Variants in SYCP1 observed in about 807,000 individuals in gnomAD.
SYCP1 encodes synaptonemal complex protein 1.
Under a neutral mutation model 153.1 loss-of-function variants are expected in SYCP1, and 64 were observed. The observed-to-expected ratio is 0.42, with a 90% confidence interval of 0.34 to 0.51. The LOEUF is 0.51. Among genes scored for constraint, SYCP1 ranks in the 20% least tolerant of loss-of-function variants. SYCP1 has a pLI of 0.06. For synonymous variants in SYCP1, 384 were observed against 341.8 expected (o/e 1.12, Z -1.36); for missense variants, 997 against 1,049.0 (o/e 0.95, Z 0.68).
chr1:114,961,550 G>A (rs1190339808), intron 27 of SYCP1, among the ~76,000 whole-genome samples: 1 of 152,092 alleles, frequency 6.6e-6, no homozygotes, highest in Non-Finnish European at 1.5e-5. Context: ...CACTATTATC[G>A]TTTAGTTGAA....
chr1:114,991,925 A>G (rs1399788013), intron 30 of SYCP1, among the ~76,000 whole-genome samples: 1 of 151,884 alleles, frequency 6.6e-6, no homozygotes, highest in East Asian at 1.9e-4. Flanking sequence ...TAAGAAAGCT[A>G]TTAGAGCTAA....
In SYCP1 at chr1:114,913,053, C is replaced by G; in HGVS notation, c.1550C>G (p.Thr517Ser). The G allele has an allele frequency of 6.2e-7, 1 of 1,610,254 alleles. No homozygotes were observed. The highest frequency in any genetic ancestry group is 1.1e-5 in the South Asian group (1 of 90,566). Residue 517 changes from threonine to serine, a missense_variant, in exon 19 of 32, where the codon ACT becomes AGT. Physicochemically the swap from Thr to Ser is moderately conservative, Grantham distance 58. Transcript: ENST00000369522. The stretch of plus-strand genomic sequence containing the variant: ...AATAGGCTTAAGAATACTGAATTAA[C>G]TTCACACTGCAACAAGCTTTCACTA... ...ENEKLKNTELTSHCNKLSLEN... is the reference protein window; with the variant it reads ...ENEKLKNTELSSHCNKLSLEN...
chr1:114,951,095 A>T (rs1017977595), intron 27 of SYCP1, among the ~76,000 whole-genome samples: 2 of 152,192 alleles, frequency 1.3e-5, no homozygotes, highest in African/African-American at 4.8e-5. Context: ...AAGTGCTGGG[A>T]TTACAGGCGT....
intron 28 of SYCP1, among the ~76,000 whole-genome samples, chr1:114,981,048 T>C (rs1450614777): frequency 6.6e-6 from 1 of 151,928 alleles, no homozygotes; most frequent in Non-Finnish European, 1.5e-5. Flanking sequence ...GGCTTTCTGT[T>C]CCTGCATTAG....
chr1:114,875,345 C>G (rs360632), intron 9 of SYCP1, among the ~76,000 whole-genome samples: 55,081 of 149,142 alleles, frequency 0.37, 10,868 homozygotes, highest in East Asian at 0.5. Flanking sequence ...ACTGCAAGCT[C>G]CGCCTCTCGG....
chr1:114,961,160 T>G (rs960792307), intron 27 of SYCP1, among the ~76,000 whole-genome samples: 1 of 152,144 alleles, frequency 6.6e-6, no homozygotes, highest in Non-Finnish European at 1.5e-5. Context: ...ATAGTAGCCT[T>G]GATCTTTTTT....
chr1:114,903,423 A>G (rs1368438970), intron 16 of SYCP1, among the ~76,000 whole-genome samples: 1 of 152,108 alleles, frequency 6.6e-6, no homozygotes. Flanking sequence ...GGCTTTTTTG[A>G]AGAAGTAAGG....
chr1:114,919,276 C>T (rs1050041354), intron 20 of SYCP1, among the ~76,000 whole-genome samples: 1 of 151,890 alleles, frequency 6.6e-6, no homozygotes, highest in Non-Finnish European at 1.5e-5. Flanking sequence ...TGGTTTTTGT[C>T]CTATAGCATG....
intron 8 of SYCP1, among the ~76,000 whole-genome samples, chr1:114,873,545 G>C (rs1457936868): frequency 1.3e-5 from 2 of 152,150 alleles, no homozygotes; most frequent in African/African-American, 2.4e-5. Flanking sequence ...CCCCAGGTTA[G>C]TTAGGCTCTG....
At chr1:114,880,412 T>A (rs1665842265) in intron 12 of SYCP1, among the ~76,000 whole-genome samples, 1 of 152,238 alleles carries the variant, frequency 6.6e-6, no homozygotes, top group Non-Finnish European at 1.5e-5. Flanking sequence ...CTGTAATTTT[T>A]AAAATTAAAT....
intron 20 of SYCP1, among the ~76,000 whole-genome samples, chr1:114,917,271 G>A (rs1181387782): frequency 1.3e-5 from 2 of 152,090 alleles, no homozygotes; most frequent in Non-Finnish European, 2.9e-5. Flanking sequence ...TCTTATTGCA[G>A]TTAACTTAAT....
chr1:114,932,484 A>C (rs1031377251), intron 23 of SYCP1, among the ~76,000 whole-genome samples: 1 of 152,236 alleles, frequency 6.6e-6, no homozygotes, highest in African/African-American at 2.4e-5. Flanking sequence ...AGCTCCCAGC[A>C]TGAGTGACGC....
At chr1:114,924,825 G>T (rs745922064) in intron 21 of SYCP1, among the ~76,000 whole-genome samples, 4 of 152,020 alleles carry the variant, frequency 2.6e-5, no homozygotes, top group Non-Finnish European at 4.4e-5. Flanking sequence ...GGCCACCTAA[G>T]CTACATTTAA....
chr1:114,938,778 A>G (rs965878211), intron 23 of SYCP1, among the ~76,000 whole-genome samples: 1 of 152,198 alleles, frequency 6.6e-6, no homozygotes, highest in Non-Finnish European at 1.5e-5. Context: ...ATTTCTCCAA[A>G]TATACACAAA....
At chr1:114,957,159 G>A (rs1671495755) in intron 27 of SYCP1, among the ~76,000 whole-genome samples, 1 of 152,032 alleles carries the variant, frequency 6.6e-6, no homozygotes, top group African/African-American at 2.4e-5. Flanking sequence ...CCAACTCCTG[G>A]GTTCAAGAGA....
At chr1:114,960,101 T>TACCTAGC (rs755882169) in intron 27 of SYCP1, among the ~76,000 whole-genome samples, 15 of 152,006 alleles carry the variant, frequency 9.9e-5, no homozygotes, top group Admixed American at 6.6e-4. Flanking sequence ...TTTGGGTATA[T>TACCTAGC]ACCTAGCAGT....
chr1:114,967,177 A>G (rs1672183678), intron 27 of SYCP1, among the ~76,000 whole-genome samples: 2 of 152,172 alleles, frequency 1.3e-5, no homozygotes, highest in African/African-American at 2.4e-5. Context: ...AGTTCTGTAG[A>G]TGTCTATTAG....
intron 30 of SYCP1, among the ~76,000 whole-genome samples, 162 bp from the exon 31 acceptor site, chr1:114,994,536 T>C (rs1391955935): frequency 6.6e-6 from 1 of 151,476 alleles, no homozygotes; most frequent in Non-Finnish European, 1.5e-5. Context: ...TTCTTCTCTC[T>C]ATAATCTTCT....
chr1:114,867,507 G>T (rs1452909459), intron 8 of SYCP1, among the ~76,000 whole-genome samples: 1 of 151,724 alleles, frequency 6.6e-6, no homozygotes, highest in African/African-American at 2.4e-5. Context: ...CATTTTTTTT[G>T]TATACTAATG....
Sources: gnomAD v4.1 joint callset for allele counts (sites outside exome capture counted in the v4.1 genomes callset) on GRCh38, gnomAD v4.1.1 for gene constraint, MANE v1.5 for transcripts, NCBI Gene and HGNC (gene_info 2026-07-23, HGNC 2026-07-21) for gene names.